The following ADAMTSL1 variants were observed in gnomAD, a reference collection of about 807,000 sequenced individuals.
ADAMTSL1 encodes the protein ADAMTS-like protein 1.
In ADAMTSL1, 126 loss-of-function variants were observed where a neutral mutation model predicts 201.8. The observed-to-expected ratio is 0.62, with a 90% CI of 0.54 to 0.72. The LOEUF is 0.72. Among genes scored for constraint, ADAMTSL1 ranks in the 30% least tolerant of loss-of-function variants. The pLI is 0.00. For synonymous variants in ADAMTSL1, 1,121 were observed against 903.4 expected (o/e 1.24, Z -4.32); for missense variants, 2,679 against 2,277.8 (o/e 1.18, Z -3.59).
chr9:17,978,413 G>C (rs1818540568), intron 1 of ADAMTSL1, among the ~76,000 whole-genome samples: 1 of 151,780 alleles, frequency 6.6e-6, no homozygotes, highest in Non-Finnish European at 1.5e-5. Flanking sequence ...ATGATTTTCT[G>C]TTGTGGTATT....
chr9:18,634,803 C>T (rs2132763105), intron 5 of ADAMTSL1, among the ~76,000 whole-genome samples: 1 of 113,108 alleles, frequency 8.8e-6, no homozygotes, highest in African/African-American at 3.1e-5. Context: ...CACACCACTG[C>T]ACTCCAGCCT....
chr9:18,144,094 A>G (rs141485298), intron 1 of ADAMTSL1, among the ~76,000 whole-genome samples: 11 of 152,306 alleles, frequency 7.2e-5, no homozygotes, highest in African/African-American at 2.4e-4. Flanking sequence ...CCTGATTTTG[A>G]GAGTTAAAAC....
chr9:18,599,166 C>T (rs192897985), intron 4 of ADAMTSL1, among the ~76,000 whole-genome samples: 16 of 152,280 alleles, frequency 1.1e-4, no homozygotes, highest in African/African-American at 3.6e-4. Flanking sequence ...ATATAATGTC[C>T]GTTCAGCAGT....
intron 26 of ADAMTSL1, among the ~76,000 whole-genome samples, chr9:18,899,915 G>A (rs1829903644): frequency 6.6e-6 from 1 of 152,176 alleles, no homozygotes; most frequent in South Asian, 2.1e-4. Context: ...AAAAGCAATT[G>A]CAACAAAAGC....
chr9:18,527,684 G>T (rs970133568), intron 2 of ADAMTSL1, among the ~76,000 whole-genome samples: 2 of 152,114 alleles, frequency 1.3e-5, no homozygotes, highest in Non-Finnish European at 2.9e-5. Context: ...GACAAATAAA[G>T]TATGTATCCA....
intron 2 of ADAMTSL1, among the ~76,000 whole-genome samples, chr9:18,452,177 T>A (rs1230323319): frequency 6.6e-6 from 1 of 152,108 alleles, no homozygotes; most frequent in Non-Finnish European, 1.5e-5. Flanking sequence ...CCTCCGAAAG[T>A]GCTGGGATTA....
intron 1 of ADAMTSL1, among the ~76,000 whole-genome samples, chr9:18,479,406 T>C (rs763019681): frequency 6.6e-6 from 1 of 152,216 alleles, no homozygotes; most frequent in African/African-American, 2.4e-5. Context: ...TTCTTTATTT[T>C]GATTAGAGAA....
At chr9:18,867,467 G>T (rs1239740422) in intron 23 of ADAMTSL1, among the ~76,000 whole-genome samples, 1 of 151,898 alleles carries the variant, frequency 6.6e-6, no homozygotes, top group Non-Finnish European at 1.5e-5. Flanking sequence ...TTTTATTATG[G>T]GTAATTTCAC....
At chr9:18,619,757 C>T (rs1162389614) in intron 4 of ADAMTSL1, among the ~76,000 whole-genome samples, 1 of 152,084 alleles carries the variant, frequency 6.6e-6, no homozygotes, top group African/African-American at 2.4e-5. Context: ...AACTTAAATC[C>T]TTTGAGAAAC....
intron 1 of ADAMTSL1, among the ~76,000 whole-genome samples, chr9:18,142,850 G>C (rs967971769): frequency 6.6e-6 from 1 of 152,188 alleles, no homozygotes; most frequent in Non-Finnish European, 1.5e-5. Context: ...CAGGGATAGA[G>C]TTCAAATCCT....
At chr9:18,671,991 C>T (rs945805968) in intron 9 of ADAMTSL1, among the ~76,000 whole-genome samples, 1 of 151,978 alleles carries the variant, frequency 6.6e-6, no homozygotes, top group African/African-American at 2.4e-5. Flanking sequence ...GAGCCGAGAT[C>T]GCACCTCTGC....
chr9:18,044,624 C>T (rs1821579795), intron 1 of ADAMTSL1, among the ~76,000 whole-genome samples: 1 of 152,130 alleles, frequency 6.6e-6, no homozygotes, highest in Admixed American at 6.6e-5. Context: ...ATAAGGAAAA[C>T]AGTGGATATA....
chr9:18,085,578 CACTGTGTGTGTGTATACGTATAT>C (rs1396700377), intron 1 of ADAMTSL1, among the ~76,000 whole-genome samples: 3 of 144,690 alleles, frequency 2.1e-5, no homozygotes, highest in South Asian at 4.2e-4. Context: ...CATATATACA[CACTGTGTGTGTGTATACGTATAT>C]ACACTGTGTG....
chr9:17,912,697 C>T (rs1825933674), intron 1 of ADAMTSL1, among the ~76,000 whole-genome samples: 1 of 65,012 alleles, frequency 1.5e-5, no homozygotes, highest in African/African-American at 3.1e-5. Context: ...TTAATTAGAT[C>T]CCATTTGTCA....
At chr9:18,425,787 T>C (rs1482234598) in intron 2 of ADAMTSL1, among the ~76,000 whole-genome samples, 1 of 150,276 alleles carries the variant, frequency 6.7e-6, no homozygotes, top group Non-Finnish European at 1.5e-5. Context: ...GCCCAGAAGT[T>C]TGAGGCTGCA....
At chr9:18,370,420 CG>C (rs1836992514) in intron 2 of ADAMTSL1, among the ~76,000 whole-genome samples, 1 of 152,054 alleles carries the variant, frequency 6.6e-6, no homozygotes, top group African/African-American at 2.4e-5. Context: ...ACAACATATC[CG>C]TATGAAAACC....
At chr9:18,650,516 T>C (rs994885643) in intron 7 of ADAMTSL1, among the ~76,000 whole-genome samples, 4 of 152,138 alleles carry the variant, frequency 2.6e-5, no homozygotes, top group Admixed American at 6.6e-5. Context: ...CAGGAGCTGT[T>C]CCTATTCGGC....
chr9:18,664,034 A>G (rs992808963), intron 9 of ADAMTSL1, among the ~76,000 whole-genome samples: 13 of 152,144 alleles, frequency 8.5e-5, no homozygotes, highest in Admixed American at 7.2e-4. Context: ...AGAAAGACAC[A>G]AAGAAAGATA....
chr9:18,726,501 A>ACCCT, intron 15 of ADAMTSL1, among the ~76,000 whole-genome samples: 1 of 150,184 alleles, frequency 6.7e-6, no homozygotes, highest in Admixed American at 6.6e-5. Context: ...ACAGAGTGAG[A>ACCCT]CCCTGTCTCC....
Sources: allele counts gnomAD v4.1 joint callset (sites outside exome capture counted in the v4.1 genomes callset), GRCh38; gene constraint gnomAD v4.1.1; transcripts MANE v1.5; gene names NCBI Gene and HGNC (gene_info 2026-07-23, HGNC 2026-07-21).